CARD10: variants seen among roughly 807,000 people sequenced by gnomAD.
CARD10 encodes the protein caspase recruitment domain-containing protein 10.
Under a neutral mutation model 114.6 loss-of-function variants are expected in CARD10, and 49 were observed. The observed-to-expected ratio is 0.43, with a 90% CI of 0.34 to 0.54. The LOEUF (loss-of-function observed/expected upper bound fraction) is 0.54. Ranked by LOEUF, CARD10 falls within the 20% of genes least tolerant of loss-of-function variation. The probability of loss-of-function intolerance (pLI) is 0.03; values close to 1 mark genes in which losing one functional copy is unlikely to be tolerated. For missense variants in CARD10, 1,206 were observed against 1,397.2 expected, an observed-to-expected ratio of 0.86 and a Z score of 2.18; for synonymous variants, 602 against 593.2, an observed-to-expected ratio of 1.01 and a Z score of -0.21.
At position 37,516,010 on chromosome 22, in the gene CARD10, T is replaced by C. The variant is rs1285220336; in HGVS notation, c.662A>G (p.Asn221Ser). ...GTCACGGCTGCGAAGTACAGCCGAG[T>C]TCTTCTCCTCACTGAGCTGTGCCAG... ...MRLAQLSEEK[N>S]SAVLRSRDLQ... Residue 221 changes from asparagine (N) to serine (S), a missense_variant, in exon 3 of 20, where the codon AAC (asparagine) becomes AGC (serine). Asn to Ser is a conservative substitution (Grantham distance 46). This residue lies in a region of CARD10 where 1,068 missense variants were observed against 1,179.1 expected (regional missense o/e 0.91). Transcript: ENST00000251973. 1 of 1,598,926 alleles carries C rather than the reference T, an allele frequency of 6.3e-7. No individual in the cohort carries two copies. Among genetic ancestry groups the C allele is most frequent in the South Asian group, 1.1e-5 (1 of 89,036 alleles).
chr22:37,495,763 T>C lies in CARD10; in HGVS notation c.2300A>G (p.Gln767Arg). ...DLDRGTVPNY[Q>R]RAQQLLEVQE... ...CCAGCTCCTGGCTCTGCGTCACCTC[T>C]GATAATTGGGCACGGTGCCCCGGTC... The change falls in exon 14 of 20, where the codon CAG becomes CGG. Residue 767 changes from glutamine (Q) to arginine (R), a missense_variant. By Grantham distance (43) the Gln-to-Arg change is conservative. Coordinates refer to ENST00000251973, the MANE Select transcript of CARD10 (RefSeq NM_014550.4). The C allele has an allele frequency of 6.2e-7, 1 of 1,613,866 alleles. No homozygotes were observed. The highest frequency in any genetic ancestry group is 8.5e-7 in the Non-Finnish European group (1 of 1,180,020).
rs749832770 is a variant in CARD10 at position 37,497,064 on chromosome 22, G to A, written c.1902C>T (p.Arg634=). Residue 634 remains arginine (R), a synonymous_variant, in exon 12 of 20, where the codon CGC becomes CGT. Transcript: ENST00000251973. ...CGGACCCAGGCCCAGACAGCACCCT[G>A]CGCACCACAGCCCCAGACCATCTGT... ...YGDRWSGAVV[R]RVLSGPGSAR... is the part of the protein sequence containing the mutation. The A allele has an allele frequency of 1.9e-6, 3 of 1,614,098 alleles. No individual in the cohort carries two copies. The highest frequency in any genetic ancestry group is 1.7e-5 in the Admixed American group (1 of 60,022).
In CARD10 at chr22:37,491,082, G is replaced by T; in HGVS notation, c.*77C>A. 1 of 1,191,994 alleles carries T rather than the reference G, an allele frequency of 8.4e-7. No homozygotes were observed. The highest frequency in any genetic ancestry group is 1.2e-6 in the Non-Finnish European group (1 of 835,170). The allele number at this position is 1,191,994 out of a possible 1,614,324, so 73.8% of individuals were successfully genotyped here. The stretch of plus-strand genomic sequence containing the variant: ...AGTCCAAGGGTCTAGGAAGGCTCAG[G>T]GTGGGAGGGCCCAGCTTCACCATAG... On this transcript the variant is annotated 3_prime_UTR_variant, in exon 20 of 20. Transcript: ENST00000251973.
Position 37,503,205 on chromosome 22 carries a change from C to T in CARD10, c.1643G>A (p.Ser548Asn). 1.9e-6 allele frequency: 3 copies of T among 1,611,448 alleles called. No homozygotes were observed. The highest frequency in any genetic ancestry group is 2.5e-6 in the Non-Finnish European group (3 of 1,178,932). Residue 548 changes from serine (S) to asparagine (N), a missense_variant, in exon 10 of 20, where the codon AGC becomes AAC. Physicochemically the swap from Ser to Asn is conservative, Grantham distance 46 (BLOSUM62 1). Coordinates refer to ENST00000251973, the MANE Select transcript of CARD10 (RefSeq NM_014550.4). ...EDPAPPKRSF[S>N]SMSDITGSVT... ...GTTACCTGTGATGTCTGACATGCTG[C>T]TGAAGGATCTGGGCAGAGAGAGGGC...
rs1923903143 is a variant in CARD10, at chr22:37,518,120, T to C, written c.236-12A>G. The C allele has an allele frequency of 6.2e-7, 1 of 1,612,032 alleles. No homozygotes were observed. The highest frequency in any genetic ancestry group is 8.5e-7 in the Non-Finnish European group (1 of 1,178,810). On this transcript the variant is annotated splice_polypyrimidine_tract_variant and intron_variant, in intron 1 of 19. Transcript: ENST00000251973. ...GTCCATCAGGCGCCCTACAGAGTAG[T>C]GGGGGGATGTACCCAGGGTCTAGGG...
chr22:37,510,515 C>G lies in CARD10; in HGVS notation c.700-94G>C, dbSNP rs1302826797. ...GACCTGCTCCCTCACTCCTGGGTGC[C>G]TCCCAGATTCCCAGAGAAGCCGAAG... is the stretch of plus-strand genomic sequence containing the variant. On this transcript the variant is annotated intron_variant, in intron 3 of 19. Coordinates refer to ENST00000251973, the MANE Select transcript of CARD10 (RefSeq NM_014550.4). 33 of 1,103,606 alleles carry G rather than the reference C, an allele frequency of 3.0e-5. No individual in the cohort carries two copies. In the East Asian group the frequency reaches 8.0e-4, roughly 27 times the overall value. The allele number at this position is 1,103,606 out of a possible 1,614,324, so 68.4% of individuals were successfully genotyped here.
At chr22:37,503,865 C>G (rs1923307387) in intron 9 of CARD10, among the ~76,000 whole-genome samples, 2 of 152,182 alleles carry the variant, frequency 1.3e-5, no homozygotes, top group African/African-American at 4.8e-5. Context: ...TACCTTGAAA[C>G]ATTCTCCACG....
Position 37,519,291 on chromosome 22 carries a change from G to C in CARD10, c.-91C>G. 7.4e-7 allele frequency: 1 copy of C among 1,356,470 alleles called. No individual in the cohort carries two copies. The allele number at this position is 1,356,470 out of a possible 1,614,324, so 84.0% of individuals were successfully genotyped here. On this transcript the variant is annotated 5_prime_UTR_variant, in exon 1 of 20. Transcript: ENST00000251973. This position sits in a 1 kb window ranked among gnomAD's most constrained non-coding sequence, Gnocchi z 4.1. ...ATGTGCGGCCAAGCACCCCCGGGGC[G>C]TCGTCCGCAGACCCGCCGTCGGGGG...
intron 4 of CARD10, chr22:37,509,133 A>C: frequency 6.7e-7 from 1 of 1,494,272 alleles, no homozygotes; most frequent in South Asian, 1.3e-5. Context: ...CCCCAGACCC[A>C]CACCCCAGCC....
rs1922966516 is a variant in CARD10 at position 37,495,500 on chromosome 22, T to C, written c.2373+17A>G. ...CCCTTGGGGCCCCCCACCCACTACC[T>C]GCCCAGCCGTGCTCACATTACTGCG... On this transcript the variant is annotated intron_variant, in intron 15 of 19. Transcript: ENST00000251973. 1 of 1,598,588 alleles carries C rather than the reference T, an allele frequency of 6.3e-7. No individual in the cohort carries two copies. Among genetic ancestry groups the C allele is most frequent in the Non-Finnish European group, 8.5e-7 (1 of 1,173,382 alleles).
intron 1 of CARD10, among the ~76,000 whole-genome samples, chr22:37,518,713 T>A (rs1272676536): frequency 6.6e-6 from 1 of 152,106 alleles, no homozygotes; most frequent in African/African-American, 2.4e-5. Context: ...TCTGCTCTAA[T>A]GTGGACCCAG....
intron 2 of CARD10, 146 bp downstream of exon 2, chr22:37,517,825 C>T (rs1044175516): frequency 2.9e-6 from 3 of 1,051,682 alleles, no homozygotes; most frequent in African/African-American, 1.6e-5. Flanking sequence ...TACCGTGGGG[C>T]CCTGGGCAAG....
Position 37,502,723 on chromosome 22 carries a change from T to G in CARD10, c.1666A>C (p.Ser556Arg). The G allele has an allele frequency of 6.2e-7, 1 of 1,612,542 alleles. No individual in the cohort carries two copies. Among genetic ancestry groups the G allele is most frequent in the Non-Finnish European group, 8.5e-7 (1 of 1,179,452 alleles). Reference sequence around the variant, plus strand: ...GGGGACCAGGGCTTAAGTGTCACACTCCCTGGGGAAAAAGAATGAGGTTCA... The same window carrying G: ...GGGGACCAGGGCTTAAGTGTCACACGCCCTGGGGAAAAAGAATGAGGTTCA... ...SFSSMSDITG[S>R]VTLKPWSPGL... is the part of the protein sequence containing the mutation. The change falls in exon 11 of 20, where the codon AGT becomes CGT. Residue 556 changes from serine (S) to arginine (R), a missense_variant and splice_region_variant. Physicochemically the swap from Ser to Arg is moderately radical, Grantham distance 110. This residue lies in a region of CARD10 where 1,068 missense variants were observed against 1,179.1 expected (regional missense o/e 0.91). Coordinates refer to ENST00000251973, the MANE Select transcript of CARD10 (RefSeq NM_014550.4).
At position 37,507,913 on chromosome 22, in the gene CARD10, C is replaced by T. The variant is rs373220389; in HGVS notation, c.1107G>A (p.Thr369=). ...TGTACAGGTCACAGTCCTTCTGCAGCGTGCGGTGCTTGAGCCGCAGGTCTT... is the reference window on the plus strand; with the variant it reads ...TGTACAGGTCACAGTCCTTCTGCAGTGTGCGGTGCTTGAGCCGCAGGTCTT... ...EMEDLRLKHR[T]LQKDCDLYKH... is the part of the protein sequence containing the mutation. The change falls in exon 6 of 20, where the codon ACG becomes ACA. Residue 369 remains threonine, a synonymous_variant. Transcript: ENST00000251973. The T allele has an allele frequency of 4.9e-5, 79 of 1,614,054 alleles. No individual in the cohort carries two copies. The highest frequency in any genetic ancestry group is 2.7e-4 in the East Asian group (12 of 44,898).
rs7511458 is a variant in CARD10 at position 37,509,696 on chromosome 22, C to A, written c.909+516G>T. Among the ~76,000 whole-genome samples, 175 of 101,120 alleles carry A rather than the reference C, an allele frequency of 1.7e-3. 8 individuals are homozygous for A. Among genetic ancestry groups the A allele is most frequent in the South Asian group, 4.9e-3 (14 of 2,854 alleles). 66.3% of individuals were successfully genotyped at this position (101,120 alleles called of 152,430 possible). A position where few individuals can be genotyped will look rare whatever the true frequency, so the allele number is the denominator to read the frequency against. ...GTACCTGCTGCAGGCCCTCCTGACC[C>A]CCCCTCAACCCCCATGGCCACGAGG... On this transcript the variant is annotated intron_variant, in intron 4 of 19. Coordinates refer to ENST00000251973, the MANE Select transcript of CARD10 (RefSeq NM_014550.4).
chr22:37,496,118 C>G lies in CARD10; in HGVS notation c.2060-115G>C, dbSNP rs1486632739. On this transcript the variant is annotated intron_variant, in intron 13 of 19. Coordinates refer to ENST00000251973, the MANE Select transcript of CARD10 (RefSeq NM_014550.4). The surrounding 1 kb of genome is among the most constrained non-coding windows in gnomAD (Gnocchi z 4.1). ...CCTCTCGAGGCCTGAGTTCCCAGGA[C>G]CCGACCTTCACCTTCTTAGAATGAC... The G allele has an allele frequency of 7.4e-7, 1 of 1,345,096 alleles. No individual in the cohort carries two copies. Among genetic ancestry groups the G allele is most frequent in the Non-Finnish European group, 1.0e-6 (1 of 990,518 alleles). 83.3% of individuals were successfully genotyped at this position (1,345,096 alleles called of 1,614,324 possible). A position where few individuals can be genotyped will look rare whatever the true frequency, so the allele number is the denominator to read the frequency against.
Position 37,496,342 on chromosome 22 carries a change from G to A in CARD10, c.2059+107C>T, listed in dbSNP as rs1923002751. 1.3e-6 allele frequency: 1 copy of A among 784,308 alleles called. No homozygotes were observed. Among genetic ancestry groups the A allele is most frequent in the East Asian group, 2.6e-5 (1 of 38,704 alleles). 48.6% of individuals were successfully genotyped at this position (784,308 alleles called of 1,614,324 possible). A position where few individuals can be genotyped will look rare whatever the true frequency, so the allele number is the denominator to read the frequency against. On this transcript the variant is annotated intron_variant, in intron 13 of 19. Coordinates refer to ENST00000251973, the MANE Select transcript of CARD10 (RefSeq NM_014550.4). The surrounding 1 kb of genome is among the most constrained non-coding windows in gnomAD (Gnocchi z 4.1). ...CGGGGAGCCAGGAGAAGGGCAATTG[G>A]GGCAAGGCTGGTCCCTTCTCAGGTC...
At chr22:37,516,716 T>A (rs998554874) in intron 2 of CARD10, among the ~76,000 whole-genome samples, 1 of 152,230 alleles carries the variant, frequency 6.6e-6, no homozygotes, top group Non-Finnish European at 1.5e-5. Flanking sequence ...TGCACCAACC[T>A]ATCAACAATA....
chr22:37,504,802 C>A, intron 7 of CARD10, 33 bp from the exon 8 acceptor site: 2 of 1,397,174 alleles, frequency 1.4e-6, no homozygotes, highest in Non-Finnish European at 1.9e-6. Context: ...AGGAGGTGAG[C>A]AGTGCTAGGC....
Sources: allele counts gnomAD v4.1 joint callset (sites outside exome capture counted in the v4.1 genomes callset), GRCh38; gene constraint gnomAD v4.1.1; regional missense constraint gnomAD v4.1.1; non-coding constraint Gnocchi (gnomAD v3.1); transcripts MANE v1.5; gene names NCBI Gene and HGNC (gene_info 2026-07-23, HGNC 2026-07-21).